The following LRP1B variants were observed in gnomAD, a reference collection of about 807,000 sequenced individuals.
LRP1B encodes the protein low-density lipoprotein receptor-related protein 1B.
LRP1B carries 217 observed loss-of-function variants against 556.6 expected under a neutral mutation model. The observed-to-expected ratio is 0.39, with a 90% CI of 0.35 to 0.44. The LOEUF (loss-of-function observed/expected upper bound fraction) is 0.44. Among genes scored for constraint, LRP1B ranks in the 20% least tolerant of loss-of-function variants. The probability of loss-of-function intolerance (pLI) is 1.00; values close to 1 mark genes in which losing one functional copy is unlikely to be tolerated. For missense variants in LRP1B, 5,053 were observed against 5,620.8 expected (o/e 0.90, Z 3.23); for synonymous variants, 2,047 against 1,865.8 (o/e 1.10, Z -2.50).
intron 20 of LRP1B, among the ~76,000 whole-genome samples, chr2:140,949,043 A>G (rs952475188): frequency 5.3e-5 from 8 of 152,222 alleles, no homozygotes; most frequent in African/African-American, 1.7e-4. Flanking sequence ...ATTGCAGAAG[A>G]CAAACATATC....
chr2:141,832,688 T>C (rs1360055787), intron 1 of LRP1B, among the ~76,000 whole-genome samples: 1 of 151,734 alleles, frequency 6.6e-6, no homozygotes, highest in Non-Finnish European at 1.5e-5. Flanking sequence ...TAAATAATAA[T>C]TAAGATATAA....
chr2:140,612,948 T>G (rs1207050455), intron 41 of LRP1B, among the ~76,000 whole-genome samples: 1 of 151,926 alleles, frequency 6.6e-6, no homozygotes, highest in Non-Finnish European at 1.5e-5. Flanking sequence ...CTGACACACT[T>G]CAGTCTTGAC....
rs1297418081 is a variant in LRP1B, at chr2:140,476,316, CTA to C, written c.9426-981_9426-980del. Among the ~76,000 whole-genome samples the C allele has an allele frequency of 2.7e-5, 4 of 150,890 alleles. No individual in the cohort carries two copies. In the East Asian group the frequency reaches 7.7e-4, roughly 29 times the overall value. ...TCTGTTAACACAAGTAGATTTTTCT[CTA>C]TTTCATTCTTTCTTTTTGCCAGATA... On this transcript the variant is annotated intron_variant, in intron 59 of 90. Coordinates refer to ENST00000389484, the MANE Select transcript of LRP1B (RefSeq NM_018557.3).
At chr2:141,092,434 A>G (rs531707399) in intron 7 of LRP1B, among the ~76,000 whole-genome samples, 1 of 152,298 alleles carries the variant, frequency 6.6e-6, no homozygotes, top group South Asian at 2.1e-4. Flanking sequence ...TAAATATCCA[A>G]ATAGAAATGT....
chr2:141,207,470 T>G (rs1265109467), intron 6 of LRP1B, among the ~76,000 whole-genome samples: 1 of 152,234 alleles, frequency 6.6e-6, no homozygotes, highest in Non-Finnish European at 1.5e-5. Context: ...TGAAATATTC[T>G]ATCAAGTCAC....
intron 1 of LRP1B, among the ~76,000 whole-genome samples, chr2:142,129,261 AG>A (rs1707763789): frequency 6.6e-6 from 1 of 152,238 alleles, no homozygotes; most frequent in East Asian, 1.9e-4. Flanking sequence ...AGGCAAGTTG[AG>A]CAAGTTCAGA....
At chr2:141,138,778 A>T (rs1022822609) in intron 7 of LRP1B, among the ~76,000 whole-genome samples, 3 of 151,920 alleles carry the variant, frequency 2.0e-5, no homozygotes, top group African/African-American at 7.2e-5. Context: ...TAATATTGTC[A>T]AGATGTCTGT....
intron 1 of LRP1B, among the ~76,000 whole-genome samples, chr2:141,840,951 G>A (rs1026698197): frequency 2.6e-5 from 4 of 151,486 alleles, no homozygotes; most frequent in Non-Finnish European, 5.9e-5. Flanking sequence ...AAAAACCGTG[G>A]TGGTGCTTTG....
chr2:141,716,298 T>C (rs1692582881), intron 2 of LRP1B, among the ~76,000 whole-genome samples: 1 of 152,240 alleles, frequency 6.6e-6, no homozygotes, highest in African/African-American at 2.4e-5. Context: ...AAAATTGTAG[T>C]GCTCAAGTCC....
At chr2:140,562,641 G>A (rs902778217) in intron 43 of LRP1B, among the ~76,000 whole-genome samples, 2 of 151,620 alleles carry the variant, frequency 1.3e-5, no homozygotes, top group African/African-American at 2.4e-5. Flanking sequence ...TTTATTTTGA[G>A]ACACAGTCTT....
intron 6 of LRP1B, among the ~76,000 whole-genome samples, chr2:141,209,131 G>GA (rs1306611227): frequency 6.6e-6 from 1 of 151,962 alleles, no homozygotes; most frequent in Non-Finnish European, 1.5e-5. Flanking sequence ...ATAAAATAAG[G>GA]AAATCTAGAA....
intron 27 of LRP1B, among the ~76,000 whole-genome samples, chr2:140,865,970 A>T (rs1486166808): frequency 1.3e-5 from 2 of 152,074 alleles, no homozygotes; most frequent in Non-Finnish European, 2.9e-5. Flanking sequence ...GGTCATGCCA[A>T]TGCAGGCGAA....
intron 6 of LRP1B, among the ~76,000 whole-genome samples, chr2:141,211,573 G>A (rs544468442): frequency 4.6e-5 from 7 of 151,996 alleles, no homozygotes; most frequent in African/African-American, 9.6e-5. Context: ...GCCGAGATCC[G>A]GCCATTGCAC....
chr2:140,526,169 G>A, intron 48 of LRP1B, 68 bp downstream of exon 48: 2 of 1,469,036 alleles, frequency 1.4e-6, no homozygotes, highest in South Asian at 2.3e-5. Flanking sequence ...GTAAAATCTT[G>A]CACAGTGTTC....
At chr2:141,031,639 T>C (rs1698374800) in intron 11 of LRP1B, among the ~76,000 whole-genome samples, 1 of 151,956 alleles carries the variant, frequency 6.6e-6, no homozygotes, top group African/African-American at 2.4e-5. Context: ...TGTTAGTAGA[T>C]AGATGTTTAT....
intron 41 of LRP1B, among the ~76,000 whole-genome samples, chr2:140,602,374 A>G (rs62173478): frequency 0.055 from 8,435 of 152,182 alleles, 356 homozygotes; most frequent in Non-Finnish European, 0.089. Context: ...GGGTAACATA[A>G]GTAGCTGTTT....
intron 2 of LRP1B, among the ~76,000 whole-genome samples, chr2:141,684,643 G>GC (rs1691230010): frequency 6.6e-6 from 1 of 152,022 alleles, no homozygotes; most frequent in South Asian, 2.1e-4. Context: ...TCTGTGAAGA[G>GC]ATTAGGCAAG....
At chr2:141,568,681 C>T (rs1024347946) in intron 2 of LRP1B, among the ~76,000 whole-genome samples, 5 of 148,510 alleles carry the variant, frequency 3.4e-5, no homozygotes, top group African/African-American at 1.2e-4. Flanking sequence ...TTAAGCAAAA[C>T]GTAATATAAA....
chr2:141,434,725 G>A (rs146328714), intron 3 of LRP1B, among the ~76,000 whole-genome samples: 3 of 149,646 alleles, frequency 2.0e-5, no homozygotes, highest in Admixed American at 1.3e-4. Context: ...ATCTTCATAC[G>A]AATCCTAGCT....
Sources: gnomAD v4.1 joint callset for allele counts (sites outside exome capture counted in the v4.1 genomes callset) on GRCh38, gnomAD v4.1.1 for gene constraint, MANE v1.5 for transcripts, NCBI Gene and HGNC (gene_info 2026-07-23, HGNC 2026-07-21) for gene names.